The following CISH variants were observed in gnomAD, a reference collection of about 807,000 sequenced individuals.
CISH encodes the protein cytokine-inducible SH2-containing protein.
In CISH, 11 loss-of-function variants were observed where a neutral mutation model predicts 21.3. The ratio of observed to expected loss-of-function variants is 0.52; its 90% CI spans 0.32 to 0.85. The LOEUF is 0.85. Ranked by LOEUF, CISH falls within the 40% of genes least tolerant of loss-of-function variation. CISH has a pLI of 0.03. For synonymous variants in CISH, 118 were observed against 142.3 expected (o/e 0.83, Z 1.22); for missense variants, 280 against 351.7 (o/e 0.80, Z 1.63).
chr3:50,611,461 G>T (rs1269289459), intron 1 of CISH, 170 bp downstream of exon 1: 8 of 1,412,734 alleles, frequency 5.7e-6, no homozygotes, highest in Non-Finnish European at 7.4e-6. Flanking sequence ...GTGTGGGGGC[G>T]GGGAGTGGGA....
rs2032172636 is a variant in CISH at position 50,607,086 on chromosome 3, C to T, written c.*521G>A. 6.5e-6 allele frequency: 1 copy of T among 154,768 alleles called. No individual in the cohort carries two copies. The highest frequency in any genetic ancestry group is 1.4e-5 in the Non-Finnish European group (1 of 69,598). The allele number at this position is 154,768 out of a possible 1,614,324, so 9.6% of individuals were successfully genotyped here. ...AGGTGGGGTTGGCTCGCCCCTGACA[C>T]CAACCCCAAGGAGAATAAATAAATA... is the stretch of plus-strand genomic sequence containing the variant. On this transcript the variant is annotated 3_prime_UTR_variant, in exon 3 of 3. Coordinates refer to ENST00000348721, the MANE Select transcript of CISH (RefSeq NM_145071.4).
At position 50,607,489 on chromosome 3, in the gene CISH, C is replaced by T; in HGVS notation, c.*118G>A. 1 of 1,095,436 alleles carries T rather than the reference C, an allele frequency of 9.1e-7. No homozygotes were observed. Among genetic ancestry groups the T allele is most frequent in the Non-Finnish European group, 1.3e-6 (1 of 769,536 alleles). The allele number at this position is 1,095,436 out of a possible 1,614,324, so 67.9% of individuals were successfully genotyped here. On this transcript the variant is annotated 3_prime_UTR_variant, in exon 3 of 3. Transcript: ENST00000348721. ...TGCTGGCTCTTCCTGGGCCAGCTGCCAGAGGTATGCAGGCACCAGGATGCC... is the reference window on the plus strand; with the variant it reads ...TGCTGGCTCTTCCTGGGCCAGCTGCTAGAGGTATGCAGGCACCAGGATGCC...
chr3:50,610,285 T>A, intron 1 of CISH: 2 of 1,403,066 alleles, frequency 1.4e-6, no homozygotes, highest in Non-Finnish European at 2.0e-6. Context: ...AGATCCCACA[T>A]GTAGGTGTGG....
rs1457134950 is a variant in CISH at position 50,607,573 on chromosome 3, G to A, written c.*34C>T. ...GGGGCTGATGTCCCCTCCAGGGTGC[G>A]ACTGGGTGAGGGTGGGCAGATTGCC... On this transcript the variant is annotated 3_prime_UTR_variant, in exon 3 of 3. Coordinates refer to ENST00000348721, the MANE Select transcript of CISH (RefSeq NM_145071.4). The A allele has an allele frequency of 3.8e-6, 6 of 1,577,144 alleles. No homozygotes were observed. The highest frequency in any genetic ancestry group is 1.3e-5 in the African/African-American group (1 of 74,572).
chr3:50,609,156 G>A (rs936718489), intron 1 of CISH: 1 of 152,370 alleles, frequency 6.6e-6, no homozygotes, highest in African/African-American at 2.4e-5. Context: ...GTCTCTCAGA[G>A]GGACCTAGGT....
In CISH at chr3:50,607,288, T is replaced by G; in HGVS notation, c.*319A>C. The G allele has an allele frequency of 2.8e-6, 1 of 359,732 alleles. No homozygotes were observed. Among genetic ancestry groups the G allele is most frequent in the South Asian group, 4.0e-5 (1 of 24,874 alleles). The allele number at this position is 359,732 out of a possible 1,614,324, so 22.3% of individuals were successfully genotyped here. A position where few individuals can be genotyped will look rare whatever the true frequency, so the allele number is the denominator to read the frequency against. On this transcript the variant is annotated 3_prime_UTR_variant, in exon 3 of 3. Coordinates refer to ENST00000348721, the MANE Select transcript of CISH (RefSeq NM_145071.4). ...ACCAGGGCTGAGAGTGCCCATACAG[T>G]TCAGGTGGCCAGGGCAGGCAAGCGA...
At chr3:50,608,280 C>G in intron 2 of CISH, 93 bp downstream of exon 2, 1 of 1,456,336 alleles carries the variant, frequency 6.9e-7, no homozygotes, top group South Asian at 1.3e-5. Context: ...TCTCCTGGGC[C>G]GGGCTATGCC....
intron 1 of CISH, chr3:50,610,726 C>A: frequency 7.8e-7 from 1 of 1,285,816 alleles, no homozygotes; most frequent in African/African-American, 1.5e-5. Flanking sequence ...TCCACCCTCC[C>A]TCACTTGGCA....
At chr3:50,610,876 G>T in intron 1 of CISH, 1 of 1,048,028 alleles carries the variant, frequency 9.5e-7, no homozygotes, top group Non-Finnish European at 1.2e-6. Context: ...TGGTTGAAGG[G>T]GTTGCTGAGG....
intron 1 of CISH, chr3:50,610,697 C>T (rs2032298169): frequency 2.2e-6 from 3 of 1,352,560 alleles, no homozygotes; most frequent in Non-Finnish European, 2.9e-6. Context: ...CCTCCATGTC[C>T]TCTTCCTTGG....
At position 50,611,665 on chromosome 3, in the gene CISH, G is replaced by A; in HGVS notation, c.-15C>T. The A allele has an allele frequency of 6.7e-7, 1 of 1,484,316 alleles. No homozygotes were observed. Among genetic ancestry groups the A allele is most frequent in the Non-Finnish European group, 9.0e-7 (1 of 1,117,180 alleles). 91.9% of individuals were successfully genotyped at this position (1,484,316 alleles called of 1,614,324 possible). A position where few individuals can be genotyped will look rare whatever the true frequency, so the allele number is the denominator to read the frequency against. On this transcript the variant is annotated 5_prime_UTR_variant, in exon 1 of 3. Transcript: ENST00000348721. The stretch of plus-strand genomic sequence containing the variant: ...CAGAGGACCATGTCCCCGCGGCAGC[G>A]GCGACTCCGGAGTGGGGACTCGGCT...
In CISH at chr3:50,608,485, G is replaced by C. The variant is rs200057591; in HGVS notation, c.129C>G (p.Leu43=). The change falls in exon 2 of 3, where the codon CTC becomes CTG. Residue 43 remains leucine, a synonymous_variant. Transcript: ENST00000348721. ...VMQPLPAGAF[L]EEVAEGTPAQ... is the part of the protein sequence containing the mutation. ...CTGGGGTACCCTCTGCCACCTCCTCGAGGAAGGCCCCAGCAGGCAAGGGCT... is the reference window on the plus strand; with the variant it reads ...CTGGGGTACCCTCTGCCACCTCCTCCAGGAAGGCCCCAGCAGGCAAGGGCT... The C allele has an allele frequency of 5.0e-6, 8 of 1,613,124 alleles. No individual in the cohort carries two copies. In the East Asian group the frequency reaches 1.6e-4, roughly 31 times the overall value.
At chr3:50,610,180 G>A in intron 1 of CISH, 5 of 630,028 alleles carry the variant, frequency 7.9e-6, no homozygotes, top group Middle Eastern at 4.4e-4. Flanking sequence ...GCTTGCTGGG[G>A]CCCAGAGCTA....
chr3:50,611,494 C>T (rs2032324318), intron 1 of CISH, 137 bp downstream of exon 1: 2 of 1,482,254 alleles, frequency 1.3e-6, no homozygotes, highest in South Asian at 1.3e-5. Flanking sequence ...CACACAGAGC[C>T]TTGCTCCTGA....
chr3:50,611,742 G>T lies in CISH; in HGVS notation c.-92C>A. 1.4e-6 allele frequency: 2 copies of T among 1,390,486 alleles called. No individual in the cohort carries two copies. 86.1% of individuals were successfully genotyped at this position (1,390,486 alleles called of 1,614,324 possible). On this transcript the variant is annotated 5_prime_UTR_variant, in exon 1 of 3. Transcript: ENST00000348721. ...TGGGCGCGGAGCGCGTGCTGGGTAG[G>T]CTCCCGGGGCGCGCGGGCGCAGGAC...
At chr3:50,608,199 T>G in intron 2 of CISH, 57 bp from the exon 3 acceptor site, 1 of 1,560,002 alleles carries the variant, frequency 6.4e-7, no homozygotes, top group Non-Finnish European at 8.7e-7. Context: ...GGGTAACCAA[T>G]CCAGTGCAAG....
chr3:50,607,330 A>C lies in CISH; in HGVS notation c.*277T>G. ...GGCAAGCGAGTGGAGGTCTGGGCCCAGCCCACAGGTGAGACAAGGTCCTGC... is the reference window on the plus strand; with the variant it reads ...GGCAAGCGAGTGGAGGTCTGGGCCCCGCCCACAGGTGAGACAAGGTCCTGC... On this transcript the variant is annotated 3_prime_UTR_variant, in exon 3 of 3. Coordinates refer to ENST00000348721, the MANE Select transcript of CISH (RefSeq NM_145071.4). The C allele has an allele frequency of 2.2e-6, 1 of 463,548 alleles. No individual in the cohort carries two copies. The highest frequency in any genetic ancestry group is 3.9e-6 in the Non-Finnish European group (1 of 254,370). 28.7% of individuals were successfully genotyped at this position (463,548 alleles called of 1,614,324 possible).
rs1232361040 is a variant in CISH at position 50,608,109 on chromosome 3, G to A, written c.275C>T (p.Ala92Val). The change falls in exon 3 of 3, where the codon GCC (alanine) becomes GTC (valine). Residue 92 changes from alanine to valine, a missense_variant. Ala to Val is a moderately conservative substitution (Grantham distance 64). Transcript: ENST00000348721. ...WYWGSITASEARQHLQKMPEG... is the reference protein window; with the variant it reads ...WYWGSITASEVRQHLQKMPEG... Reference sequence around the variant, plus strand: ...TGGCATCTTCTGCAGGTGTTGTCGGGCCTCGCTGGCCGTAATGGAACCCCA... The same window carrying A: ...TGGCATCTTCTGCAGGTGTTGTCGGACCTCGCTGGCCGTAATGGAACCCCA... 3 of 1,608,736 alleles carry A rather than the reference G, an allele frequency of 1.9e-6. No homozygotes were observed. The highest frequency in any genetic ancestry group is 2.6e-6 in the Non-Finnish European group (3 of 1,176,416).
At position 50,608,431 on chromosome 3, in the gene CISH, C is replaced by T. The variant is rs1257892044; in HGVS notation, c.183G>A (p.Leu61=). 3 of 1,613,758 alleles carry T rather than the reference C, an allele frequency of 1.9e-6. No individual in the cohort carries two copies. Among genetic ancestry groups the T allele is most frequent in the South Asian group, 1.1e-5 (1 of 91,034 alleles). ...PAQTESEPKV[L]DPEEDLLCIA... is the part of the protein sequence containing the mutation. ...TGCACAGCAGATCCTCCTCTGGGTCCAGCACCTTTGGCTCACTCTCTGTCT... is the reference window on the plus strand; with the variant it reads ...TGCACAGCAGATCCTCCTCTGGGTCTAGCACCTTTGGCTCACTCTCTGTCT... The change falls in exon 2 of 3, where the codon CTG becomes CTA. Residue 61 remains leucine, a synonymous_variant. Coordinates refer to ENST00000348721, the MANE Select transcript of CISH (RefSeq NM_145071.4).
Sources: gnomAD v4.1 joint callset for allele counts on GRCh38, gnomAD v4.1.1 for gene constraint, MANE v1.5 for transcripts, NCBI Gene and HGNC (gene_info 2026-07-23, HGNC 2026-07-21) for gene names.